Variants in ARHGAP39 observed in about 807,000 individuals in gnomAD.
ARHGAP39 encodes the protein Rho GTPase activating protein 39, also known as rho GTPase-activating protein 39.
Under a neutral mutation model 106.9 loss-of-function variants are expected in ARHGAP39, and 44 were observed. The observed-to-expected ratio is 0.41, with a 90% CI of 0.32 to 0.53. The LOEUF (loss-of-function observed/expected upper bound fraction) is 0.53. Among genes scored for constraint, ARHGAP39 ranks in the 20% least tolerant of loss-of-function variants. The pLI, the probability that ARHGAP39 is intolerant of heterozygous loss-of-function variation, is 0.21. For synonymous variants in ARHGAP39, 768 were observed against 693.2 expected, an observed-to-expected ratio of 1.11 and a Z score of -1.69; for missense variants, 1,496 against 1,577.3, an observed-to-expected ratio of 0.95 and a Z score of 0.87.
At chr8:144,533,451 G>T (rs1816816217) in intron 8 of ARHGAP39, 126 bp from the exon 9 acceptor site, 3 of 951,738 alleles carry the variant, frequency 3.2e-6, no homozygotes, top group Non-Finnish European at 3.1e-6. Context: ...CCACACACCT[G>T]GGTCCGAGTG....
rs1817377732 is a variant in ARHGAP39 at position 144,545,555 on chromosome 8, C to G, written c.2215G>C (p.Val739Leu). ...KPMIVTSDRH[V>L]KKEACELFKL... ...AAGAGCTCGCAGGCCTCCTTCTTCA[C>G]GTGCCGGTCGCTTGTCACGATCATG... The change falls in exon 6 of 12, where the codon GTG becomes CTG. Residue 739 changes from valine to leucine, a missense_variant. By Grantham distance (32) the Val-to-Leu change is conservative. Transcript: ENST00000377307. 3.7e-6 allele frequency: 6 copies of G among 1,613,630 alleles called. No individual in the cohort carries two copies. The highest frequency in any genetic ancestry group is 4.2e-6 in the Non-Finnish European group (5 of 1,180,022).
At chr8:144,562,282 TCGTGCTC>T in intron 3 of ARHGAP39, among the ~76,000 whole-genome samples, 2 of 150,528 alleles carry the variant, frequency 1.3e-5, no homozygotes, top group Non-Finnish European at 3.0e-5. Context: ...GTGGTTTCCA[TCGTGCTC>T]CAGTGGTTTC....
Position 144,595,227 on chromosome 8 carries a change from G to A in ARHGAP39, c.80+10308C>T, listed in dbSNP as rs571666053. ...CAACTGATGCATGAAGAAGCAAAAT[G>A]TGGCCCATCCCTACACGGGAATATT... On this transcript the variant is annotated intron_variant, in intron 2 of 11. Coordinates refer to ENST00000377307, the MANE Select transcript of ARHGAP39 (RefSeq NM_025251.3). 4.6e-5 allele frequency among the ~76,000 whole-genome samples: 7 copies of A among 152,286 alleles called. No homozygotes were observed. In the South Asian group the frequency reaches 1.5e-3, roughly 32 times the overall value.
At chr8:144,650,282 C>T (rs558946279) in intron 1 of ARHGAP39, among the ~76,000 whole-genome samples, 1 of 152,074 alleles carries the variant, frequency 6.6e-6, no homozygotes, top group Admixed American at 6.6e-5. Flanking sequence ...CAAAAAAAGC[C>T]TAGGACCTGA....
the ARHGAP39 span, among the ~76,000 whole-genome samples, chr8:144,696,285 C>T: frequency 4.6e-5 from 7 of 151,646 alleles, no homozygotes; most frequent in South Asian, 2.1e-4. Context: ...ATGACAAGTA[C>T]GTACGACCAC....
intron 2 of ARHGAP39, among the ~76,000 whole-genome samples, chr8:144,598,199 C>T (rs1034840577): frequency 3.3e-5 from 5 of 152,226 alleles, no homozygotes; most frequent in African/African-American, 1.2e-4. Flanking sequence ...ATTCGGAACC[C>T]AGCCGTGGGC....
intron 2 of ARHGAP39, among the ~76,000 whole-genome samples, chr8:144,589,444 G>C (rs925130039): frequency 6.6e-6 from 1 of 152,196 alleles, no homozygotes; most frequent in Non-Finnish European, 1.5e-5. Flanking sequence ...CCCCTCCTGG[G>C]AGGACGAACT....
chr8:144,535,276 T>C (rs1039452616), intron 7 of ARHGAP39, among the ~76,000 whole-genome samples: 1 of 152,228 alleles, frequency 6.6e-6, no homozygotes, highest in African/African-American at 2.4e-5. Context: ...CACAGAATAG[T>C]TGACATGTGA....
chr8:144,622,229 G>A (rs1820825049), intron 1 of ARHGAP39, among the ~76,000 whole-genome samples: 1 of 152,132 alleles, frequency 6.6e-6, no homozygotes, highest in African/African-American at 2.4e-5. Context: ...GGGCCTTGGG[G>A]CACCAGAGGA....
At chr8:144,620,910 C>T (rs574216046) in intron 1 of ARHGAP39, among the ~76,000 whole-genome samples, 11 of 152,354 alleles carry the variant, frequency 7.2e-5, no homozygotes, top group Admixed American at 2.0e-4. Context: ...GTGAAGGTGC[C>T]GGGAAGGAAC....
chr8:144,617,895 C>CTG (rs1425772841), intron 1 of ARHGAP39, among the ~76,000 whole-genome samples: 1 of 152,164 alleles, frequency 6.6e-6, no homozygotes, highest in Non-Finnish European at 1.5e-5. Context: ...GATGCTCCAG[C>CTG]CTCAGTCTCC....
chr8:144,547,567 C>A lies in ARHGAP39; in HGVS notation c.1519G>T (p.Ala507Ser). 1 of 1,471,782 alleles carries A rather than the reference C, an allele frequency of 6.8e-7. No homozygotes were observed. Among genetic ancestry groups the A allele is most frequent in the East Asian group, 2.4e-5 (1 of 41,296 alleles). 91.2% of individuals were successfully genotyped at this position (1,471,782 alleles called of 1,614,324 possible). Residue 507 changes from alanine to serine, a missense_variant, in exon 5 of 12, where the codon GCC becomes TCC. This residue lies in a region of ARHGAP39 where 905 missense variants were observed against 816.4 expected (regional missense o/e 1.11). Coordinates refer to ENST00000377307, the MANE Select transcript of ARHGAP39 (RefSeq NM_025251.3). The surrounding 1 kb of genome is among the most constrained non-coding windows in gnomAD (Gnocchi z 5.2). ...RKPSLCQATS[A>S]TPTEGPGDLL... ...TCCCCGGGGCCCTCAGTGGGGGTGG[C>A]GCTGGTGGCTTGGCACAAAGAGGGC...
chr8:144,592,603 A>G lies in ARHGAP39; in HGVS notation c.81-11326T>C, dbSNP rs373109693. 3.4e-4 allele frequency among the ~76,000 whole-genome samples: 44 copies of G among 130,416 alleles called. No homozygotes were observed. The East Asian group carries it at 8.2e-3, about 24-fold the overall frequency. 85.6% of individuals were successfully genotyped at this position (130,416 alleles called of 152,430 possible). A position where few individuals can be genotyped will look rare whatever the true frequency, so the allele number is the denominator to read the frequency against. On this transcript the variant is annotated intron_variant, in intron 2 of 11. Coordinates refer to ENST00000377307, the MANE Select transcript of ARHGAP39 (RefSeq NM_025251.3). ...ACAGCACTGAGCCCAGACCCTCGGG[A>G]AACCTGAGGGCACCTCCTGGGGGAC...
chr8:144,685,642 C>T (rs1173373358), intron 1 of ARHGAP39, among the ~76,000 whole-genome samples, 44 bp downstream of exon 1: 2 of 148,648 alleles, frequency 1.3e-5, no homozygotes, highest in African/African-American at 4.9e-5. Flanking sequence ...CCTCCGCCAT[C>T]TTCTTGGCCC....
rs1210934084 is a variant in ARHGAP39 at position 144,548,285 on chromosome 8, G to T, written c.801C>A (p.Phe267Leu). ...GGAAGGGTGACGGCCTCCTCTCTGG[G>T]AAGAAGATGGTGCCGTCAGCCTCCG... The part of the protein sequence containing the change: ...FAPEADGTIF[F>L]PERRPSPFLK... Residue 267 changes from phenylalanine (F) to leucine (L), a missense_variant, in exon 5 of 12, where the codon TTC becomes TTA. By Grantham distance (22) the Phe-to-Leu change is conservative. Transcript: ENST00000377307. The surrounding 1 kb of genome is among the most constrained non-coding windows in gnomAD (Gnocchi z 7.4). 2.5e-6 allele frequency: 4 copies of T among 1,608,966 alleles called. No individual in the cohort carries two copies. The African/African-American group carries it at 5.3e-5, about 22-fold the overall frequency.
intron 2 of ARHGAP39, among the ~76,000 whole-genome samples, chr8:144,598,653 C>T (rs1386870489): frequency 3.3e-5 from 5 of 152,310 alleles, no homozygotes; most frequent in East Asian, 3.9e-4. Flanking sequence ...AGAACCAAGG[C>T]GGATCTGAGA....
In ARHGAP39 at chr8:144,581,100, G is replaced by T; in HGVS notation, c.258C>A (p.Ser86Arg). Residue 86 changes from serine (S) to arginine (R), a missense_variant, in exon 3 of 12, where the codon AGC (serine) becomes AGA (arginine). Coordinates refer to ENST00000377307, the MANE Select transcript of ARHGAP39 (RefSeq NM_025251.3). ...NTSRFYYYNA[S>R]TQRTVWHRPQ... ...GCCGGTGCCACACCGTGCGCTGCGT[G>T]CTGGCATTGTAGTAGTAGAAGCGGG... The T allele has an allele frequency of 6.3e-7, 1 of 1,591,790 alleles. No homozygotes were observed. Among genetic ancestry groups the T allele is most frequent in the Non-Finnish European group, 8.5e-7 (1 of 1,170,044 alleles).
chr8:144,639,338 AAAAGAAAG>A (rs1204395548), intron 1 of ARHGAP39, among the ~76,000 whole-genome samples: 24 of 146,258 alleles, frequency 1.6e-4, no homozygotes, highest in Admixed American at 1.0e-3. Context: ...AAAAAAAAAA[AAAAGAAAG>A]AAAGAAAGAA....
At chr8:144,593,291 C>T (rs1819475653) in intron 2 of ARHGAP39, among the ~76,000 whole-genome samples, 1 of 152,156 alleles carries the variant, frequency 6.6e-6, no homozygotes, top group South Asian at 2.1e-4. Context: ...AAGAATGTGC[C>T]CTGCCCTGGA....
Sources: gnomAD v4.1 joint callset for allele counts (sites outside exome capture counted in the v4.1 genomes callset) on GRCh38, gnomAD v4.1.1 for gene constraint, gnomAD v4.1.1 regional missense constraint, Gnocchi (gnomAD v3.1) non-coding constraint, MANE v1.5 for transcripts, NCBI Gene and HGNC (gene_info 2026-07-23, HGNC 2026-07-21) for gene names.